Variants in CCDC57 observed in about 807,000 individuals in gnomAD.
CCDC57 encodes the protein coiled-coil domain containing 57.
In CCDC57, 118 loss-of-function variants were observed where a neutral mutation model predicts 118.9. The observed-to-expected ratio is 0.99, with a 90% CI of 0.86 to 1.16. The LOEUF (loss-of-function observed/expected upper bound fraction) is 1.16. Ranked by LOEUF, CCDC57 falls within the 50% of genes most tolerant of loss-of-function variation. The pLI is 0.00. For synonymous variants in CCDC57, 527 were observed against 532.9 expected (o/e 0.99, Z 0.15); for missense variants, 1,300 against 1,320.7 (o/e 0.98, Z 0.24).
chr17:82,165,333 C>T (rs2146129933), intron 13 of CCDC57, among the ~76,000 whole-genome samples: 1 of 152,258 alleles, frequency 6.6e-6, no homozygotes, highest in South Asian at 2.1e-4. Flanking sequence ...AGCCAGAACA[C>T]AAAAAGCCTC....
Position 82,134,150 on chromosome 17 carries a change from TC to T in CCDC57, c.2499del (p.Lys834SerfsTer69), listed in dbSNP as rs1224925498. 1.5e-6 allele frequency: 2 copies of T among 1,373,968 alleles called. No homozygotes were observed. Among genetic ancestry groups the T allele is most frequent in the African/African-American group, 3.0e-5 (2 of 65,900 alleles). 85.1% of individuals were successfully genotyped at this position (1,373,968 alleles called of 1,614,324 possible). On this transcript the variant is annotated frameshift_variant, in exon 17 of 20. Transcript: ENST00000665763. LOFTEE classifies it high-confidence loss of function. ...GGCCTCCTGGGCTCCTCGCCTGGCTTCCGGGCCTCAGGGGCAGGAGGGAGGG... is the reference window on the plus strand; with the variant it reads ...GGCCTCCTGGGCTCCTCGCCTGGCTTCGGGCCTCAGGGGCAGGAGGGAGGG...
At chr17:82,104,232 T>C (rs548030369) in intron 19 of CCDC57, among the ~76,000 whole-genome samples, 6 of 152,372 alleles carry the variant, frequency 3.9e-5, no homozygotes, top group South Asian at 2.1e-4. Context: ...TCTTTCTGCG[T>C]TGGGCTGACT....
chr17:82,151,473 A>C (rs117674512), intron 16 of CCDC57, 87 bp downstream of exon 15: 92,305 of 1,160,226 alleles, frequency 0.08, 7,833 homozygotes, highest in Non-Finnish European at 0.089. Flanking sequence ...TCTGACCCAC[A>C]TCCAGAACCT....
At chr17:82,163,448 C>T in intron 13 of CCDC57, 91 bp from the exon 13 acceptor site, 3 of 1,483,772 alleles carry the variant, frequency 2.0e-6, no homozygotes, top group Non-Finnish European at 2.7e-6. Context: ...CTCTCCCTTT[C>T]CCGTGAGGCC....
chr17:82,179,116 C>G (rs1250232335), exon 10 of CCDC57: 5 of 1,613,842 alleles, frequency 3.1e-6, no homozygotes, highest in Non-Finnish European at 4.2e-6. Context: ...CGCTGCCAGT[C>G]CAGGCCCAGC....
chr17:82,133,431 CA>C (rs71166189), intron 17 of CCDC57, among the ~76,000 whole-genome samples: 948 of 38,358 alleles, frequency 0.025, 6 homozygotes, highest in South Asian at 0.097. Context: ...GGCCCTGTCT[CA>C]AAAAAAAAAA....
At chr17:82,167,911 C>T (rs1490702772) in intron 13 of CCDC57, among the ~76,000 whole-genome samples, 2 of 152,224 alleles carry the variant, frequency 1.3e-5, no homozygotes, top group African/African-American at 2.4e-5. Flanking sequence ...CCACGGCGCC[C>T]GGCCTGTCAA....
chr17:82,164,428 G>A (rs1405879103), intron 13 of CCDC57, among the ~76,000 whole-genome samples: 1 of 151,762 alleles, frequency 6.6e-6, no homozygotes, highest in Non-Finnish European at 1.5e-5. Flanking sequence ...TAAAGTAGGA[G>A]GAAGAAAAGA....
At chr17:82,104,303 C>G (rs569530087) in intron 19 of CCDC57, among the ~76,000 whole-genome samples, 1 of 152,352 alleles carries the variant, frequency 6.6e-6, no homozygotes, top group East Asian at 1.9e-4. Flanking sequence ...GAACGCGCCT[C>G]TTGGGTCCTG....
chr17:82,122,818 G>A (rs1053928466), intron 19 of CCDC57, among the ~76,000 whole-genome samples: 4 of 152,146 alleles, frequency 2.6e-5, no homozygotes, highest in African/African-American at 4.8e-5. Flanking sequence ...ACTGCCTACC[G>A]GCAGGCTTTA....
At chr17:82,121,519 G>A (rs946991124) in intron 19 of CCDC57, among the ~76,000 whole-genome samples, 3 of 152,224 alleles carry the variant, frequency 2.0e-5, no homozygotes, top group African/African-American at 4.8e-5. Context: ...TCTGCTGAGG[G>A]CTCTGGGCAG....
intron 8 of CCDC57, among the ~76,000 whole-genome samples, chr17:82,186,847 C>T (rs757492692): frequency 1.7e-4 from 26 of 151,856 alleles, no homozygotes; most frequent in Admixed American, 3.3e-4. Context: ...GAGGCTGAGG[C>T]GGGAGGATCA....
chr17:82,127,888 C>A lies in CCDC57; in HGVS notation c.2703G>T (p.Thr901=), dbSNP rs371380244. 1.1e-5 allele frequency: 18 copies of A among 1,611,876 alleles called. No individual in the cohort carries two copies. In the South Asian group the frequency reaches 1.7e-4, roughly 15 times the overall value. The change falls in exon 19 of 20, where the codon ACG becomes ACT. Residue 901 remains threonine (T), a synonymous_variant. Coordinates refer to ENST00000665763, the Ensembl canonical transcript of CCDC57. ...TCTGCCGAGGTGATTTACAGGTCAC[C>A]GTGTGGATGCTGTGTTGTGTCTAGA...
intron 13 of CCDC57, among the ~76,000 whole-genome samples, chr17:82,171,490 T>C (rs1223687186): frequency 6.6e-6 from 1 of 151,020 alleles, no homozygotes; most frequent in Non-Finnish European, 1.5e-5. Context: ...CACAAGGAAT[T>C]CCATTCACAC....
chr17:82,207,469 A>G (rs2049807396), intron 2 of CCDC57: 1 of 152,184 alleles, frequency 6.6e-6, no homozygotes, highest in East Asian at 1.9e-4. Context: ...TCAGTGCTTG[A>G]GATATTTTGC....
chr17:82,171,609 T>C (rs12945993), intron 13 of CCDC57, 92 bp downstream of exon 12: 625,133 of 1,379,330 alleles, frequency 0.45, 149,118 homozygotes, highest in East Asian at 0.89. Context: ...GCAGTAGCCT[T>C]GAGCTGTATA....
intron 13 of CCDC57, among the ~76,000 whole-genome samples, chr17:82,167,983 C>T (rs1437322193): frequency 6.6e-6 from 1 of 152,208 alleles, no homozygotes; most frequent in African/African-American, 2.4e-5. Context: ...CATTAGTTTT[C>T]CTTCACTCCT....
rs1288743501 is a variant in CCDC57, at chr17:82,212,395, CTCTT to C, written c.-211+386_-211+389del. Among the ~76,000 whole-genome samples, 10 of 134,222 alleles carry C rather than the reference CTCTT, an allele frequency of 7.5e-5. No homozygotes were observed. The highest frequency in any genetic ancestry group is 2.3e-4 in the South Asian group (1 of 4,324). 88.1% of individuals were successfully genotyped at this position (134,222 alleles called of 152,430 possible). On this transcript the variant is annotated intron_variant, in intron 1 of 19. Coordinates refer to ENST00000665763, the Ensembl canonical transcript of CCDC57. This position sits in a 1 kb window ranked among gnomAD's most constrained non-coding sequence, Gnocchi z 4.1. ...ACCGCCTCCGGCCTTTTTTTTTCCT[CTCTT>C]TTTTTTTTTTTTTTTTTAAACTCAC...
rs187986534 is a variant in CCDC57, at chr17:82,126,521, G to T, written c.2899+1171C>A. 72 of 981,668 alleles carry T rather than the reference G, an allele frequency of 7.3e-5. No individual in the cohort carries two copies. The African/African-American group carries it at 1.2e-3, about 17-fold the overall frequency. The allele number at this position is 981,668 out of a possible 1,614,324, so 60.8% of individuals were successfully genotyped here. A position where few individuals can be genotyped will look rare whatever the true frequency, so the allele number is the denominator to read the frequency against. ...AATGGGCAGGTAACTGAAGAACAGG[G>T]AAAGGAAGTGGCTCCTAAACACACA... On this transcript the variant is annotated intron_variant, in intron 19 of 19. Transcript: ENST00000665763.
Sources: gnomAD v4.1 joint callset for allele counts (sites outside exome capture counted in the v4.1 genomes callset) on GRCh38, gnomAD v4.1.1 for gene constraint, Gnocchi (gnomAD v3.1) non-coding constraint, MANE v1.5 for transcripts, NCBI Gene and HGNC (gene_info 2026-07-23, HGNC 2026-07-21) for gene names.